The following PCCB variants were observed in gnomAD, a reference collection of about 807,000 sequenced individuals.
The protein encoded by PCCB is propionyl-CoA carboxylase subunit beta.
PCCB carries 43 observed loss-of-function variants against 60.7 expected under a neutral mutation model. The observed-to-expected ratio is 0.71, with a 90% confidence interval of 0.55 to 0.91. The LOEUF (loss-of-function observed/expected upper bound fraction) is 0.91, where lower values mean the gene tolerates loss of function less well. Ranked by LOEUF, PCCB falls within the 40% of genes least tolerant of loss-of-function variation. PCCB has a pLI of 0.00. For synonymous variants in PCCB, 276 were observed against 255.9 expected (o/e 1.08, Z -0.75); for missense variants, 766 against 702.8 (o/e 1.09, Z -1.02).
At chr3:136,250,862 T>G (rs1941495100) in intron 1 of PCCB, among the ~76,000 whole-genome samples, 1 of 152,250 alleles carries the variant, frequency 6.6e-6, no homozygotes, top group Non-Finnish European at 1.5e-5. Flanking sequence ...TGGGTCATTT[T>G]AATAATAATT....
rs151078515 is a variant in PCCB, at chr3:136,326,866, A to G, written c.1154A>G (p.Asn385Ser). Residue 385 changes from asparagine to serine, a missense_variant, in exon 11 of 15, where the codon AAT becomes AGT. Asn to Ser is a conservative substitution (Grantham distance 46). Transcript: ENST00000251654. ...ARFVRFCDAF[N>S]IPLITFVDVP... ...TTTGTCAGATTCTGTGATGCATTCA[A>G]TATTCCACTCATCACTTTTGTTGAT... The G allele has an allele frequency of 2.0e-4, 324 of 1,613,332 alleles. 1 individual carries two copies. The highest frequency in any genetic ancestry group is 1.3e-3 in the Middle Eastern group (8 of 6,062).
At chr3:136,285,786 C>G (rs1477442023) in intron 6 of PCCB, among the ~76,000 whole-genome samples, 1 of 152,128 alleles carries the variant, frequency 6.6e-6, no homozygotes, top group Non-Finnish European at 1.5e-5. Flanking sequence ...GTGTTTTATT[C>G]TAAGCAATCT....
At chr3:136,320,598 T>G (rs1024209829) in intron 10 of PCCB, among the ~76,000 whole-genome samples, 1 of 152,222 alleles carries the variant, frequency 6.6e-6, no homozygotes, top group Non-Finnish European at 1.5e-5. Flanking sequence ...GTTTCAAAAT[T>G]TATATTGCTA....
At chr3:136,278,229 G>A (rs1242126141) in intron 5 of PCCB, among the ~76,000 whole-genome samples, 1 of 152,142 alleles carries the variant, frequency 6.6e-6, no homozygotes, top group Non-Finnish European at 1.5e-5. Context: ...CCATGGCCTG[G>A]ATTTTCAGGT....
chr3:136,264,635 A>AG (rs1335246774), intron 5 of PCCB, among the ~76,000 whole-genome samples: 1 of 151,764 alleles, frequency 6.6e-6, no homozygotes, highest in Non-Finnish European at 1.5e-5. Flanking sequence ...GCACTTTGGG[A>AG]GGCCGAGGCA....
chr3:136,314,671 AAAAC>A (rs1249323784), intron 9 of PCCB, among the ~76,000 whole-genome samples: 6 of 151,512 alleles, frequency 4.0e-5, no homozygotes, highest in African/African-American at 1.5e-4. Context: ...AACAAAAACA[AAAAC>A]AAAAAAACAA....
At position 136,303,898 on chromosome 3, in the gene PCCB, C is replaced by G. The variant is rs1406038516; in HGVS notation, c.966+2787C>G. On this transcript the variant is annotated intron_variant, in intron 9 of 14. Coordinates refer to ENST00000251654, the MANE Select transcript of PCCB (RefSeq NM_000532.5). ...GGATTACAGGTGTGAGCCACCGTGC[C>G]TGGCCTGTATTTGCTTTATGTATTA... Among the ~76,000 whole-genome samples, 2 of 122,730 alleles carry G rather than the reference C, an allele frequency of 1.6e-5. 1 individual carries two copies. The highest frequency in any genetic ancestry group is 3.6e-5 in the Non-Finnish European group (2 of 54,972). 80.5% of individuals were successfully genotyped at this position (122,730 alleles called of 152,430 possible).
rs780911121 is a variant in PCCB, at chr3:136,329,980, A to G, written c.1574A>G (p.Lys525Arg). The part of the protein sequence containing the change: ...ICCDLDVLAS[K>R]KVQRPWRKHA... ...TGTGACCTGGATGTCTTGGCCAGCA[A>G]GAAGGTACAACGTCCTTGGAGAAAA... Residue 525 changes from lysine to arginine, a missense_variant, in exon 15 of 15, where the codon AAG becomes AGG. Transcript: ENST00000251654. The G allele has an allele frequency of 3.1e-6, 5 of 1,614,082 alleles. No homozygotes were observed. Among genetic ancestry groups the G allele is most frequent in the East Asian group, 2.2e-5 (1 of 44,894 alleles).
At chr3:136,277,469 A>G (rs1294331827) in intron 5 of PCCB, among the ~76,000 whole-genome samples, 1 of 152,074 alleles carries the variant, frequency 6.6e-6, no homozygotes, top group African/African-American at 2.4e-5. Flanking sequence ...AACGGGGTCC[A>G]TAAAGCTGCC....
chr3:136,283,201 T>G (rs550006476), intron 5 of PCCB, among the ~76,000 whole-genome samples: 1 of 152,320 alleles, frequency 6.6e-6, no homozygotes, highest in African/African-American at 2.4e-5. Context: ...GGGCCTTTTA[T>G]CATCTTGCCT....
intron 10 of PCCB, among the ~76,000 whole-genome samples, chr3:136,325,546 T>A (rs1346135077): frequency 6.6e-6 from 1 of 150,490 alleles, no homozygotes; most frequent in Non-Finnish European, 1.5e-5. Flanking sequence ...TTAGTAGAGA[T>A]GAGGTTTCAC....
intron 10 of PCCB, among the ~76,000 whole-genome samples, chr3:136,322,681 C>G (rs571881701): frequency 6.3e-4 from 96 of 152,240 alleles, no homozygotes; most frequent in African/African-American, 2.3e-3. Context: ...GTCATCTTTA[C>G]TTGAGATATT....
chr3:136,261,098 A>T (rs1395851731), intron 4 of PCCB, among the ~76,000 whole-genome samples: 13 of 152,040 alleles, frequency 8.6e-5, no homozygotes, highest in Non-Finnish European at 1.9e-4. Flanking sequence ...CCGTTCACAG[A>T]TCTCTTGGGG....
chr3:136,317,242 TAGAC>T (rs1934938744), intron 10 of PCCB, among the ~76,000 whole-genome samples, 178 bp downstream of exon 10: 1 of 130,688 alleles, frequency 7.7e-6, no homozygotes. Flanking sequence ...TTTTTTTTTT[TAGAC>T]AGGGTCTTAC....
At chr3:136,297,138 C>T (rs936028090) in intron 7 of PCCB, among the ~76,000 whole-genome samples, 1 of 152,026 alleles carries the variant, frequency 6.6e-6, no homozygotes, top group Non-Finnish European at 1.5e-5. Flanking sequence ...GAGTTAACTG[C>T]ATTGATATGT....
intron 9 of PCCB, among the ~76,000 whole-genome samples, chr3:136,309,275 A>G (rs1218449563): frequency 2.0e-5 from 3 of 151,632 alleles, no homozygotes; most frequent in South Asian, 4.1e-4. Flanking sequence ...AAAAAAAAAA[A>G]AAAAAGAAAA....
chr3:136,254,107 A>G (rs1203003655), intron 1 of PCCB, among the ~76,000 whole-genome samples: 2 of 152,044 alleles, frequency 1.3e-5, no homozygotes, highest in African/African-American at 4.8e-5. Flanking sequence ...GGGAAATAAT[A>G]GCCAATTTGA....
rs778543398 is a variant in PCCB at position 136,306,073 on chromosome 3, T to C, written c.966+4962T>C. On this transcript the variant is annotated intron_variant, in intron 9 of 14. Transcript: ENST00000251654. ...TTGCTATACTGACAGAAGAGGGTGC[T>C]CTTGAACTAGGATTTTTGTTCATTT... Among the ~76,000 whole-genome samples, 16 of 123,108 alleles carry C rather than the reference T, an allele frequency of 1.3e-4. 5 individuals carry two copies. Among genetic ancestry groups the C allele is most frequent in the Admixed American group, 7.7e-4 (8 of 10,336 alleles). The allele number at this position is 123,108 out of a possible 152,430, so 80.8% of individuals were successfully genotyped here.
At chr3:136,320,627 A>T (rs1935076249) in intron 10 of PCCB, among the ~76,000 whole-genome samples, 1 of 152,084 alleles carries the variant, frequency 6.6e-6, no homozygotes, top group African/African-American at 2.4e-5. Flanking sequence ...TTGATTGTTG[A>T]TCTGTGGACA....
Sources: allele counts gnomAD v4.1 joint callset (sites outside exome capture counted in the v4.1 genomes callset), GRCh38; gene constraint gnomAD v4.1.1; transcripts MANE v1.5; gene names NCBI Gene and HGNC (gene_info 2026-07-23, HGNC 2026-07-21).